BAIAP2: variants seen among roughly 807,000 people sequenced by gnomAD.
BAIAP2 encodes BAR/IMD domain containing adaptor protein 2.
A neutral mutation model predicts 63.0 loss-of-function variants in BAIAP2; 18 were observed. The observed-to-expected ratio is 0.29, with a 90% CI of 0.20 to 0.42. The LOEUF is 0.42. Ranked by LOEUF, BAIAP2 falls within the 10% of genes least tolerant of loss-of-function variation. The pLI is 1.00. For missense variants in BAIAP2, 610 were observed against 734.3 expected, an observed-to-expected ratio of 0.83 and a Z score of 1.96; for synonymous variants, 386 against 307.6, an observed-to-expected ratio of 1.25 and a Z score of -2.67.
intron 10 of BAIAP2, 65 bp downstream of exon 10, chr17:81,104,780 C>T: frequency 6.9e-7 from 1 of 1,443,718 alleles, no homozygotes; most frequent in Non-Finnish European, 9.4e-7. Flanking sequence ...GGGGCAGCGA[C>T]ACTCAAGTGC....
intron 1 of BAIAP2, chr17:81,036,881 C>T (rs1210471909): frequency 3.9e-6 from 6 of 1,535,802 alleles, no homozygotes; most frequent in African/African-American, 2.7e-5. Flanking sequence ...AGAGAAGTAC[C>T]AGCGGAACCT....
chr17:81,110,150 C>T (rs562553389), intron 13 of BAIAP2: 1 of 985,672 alleles, frequency 1.0e-6, no homozygotes, highest in Non-Finnish European at 1.2e-6. Context: ...AGCTGCGGCG[C>T]TCCTTTATCT....
chr17:81,045,707 C>T (rs964458018), intron 1 of BAIAP2, among the ~76,000 whole-genome samples: 4 of 152,170 alleles, frequency 2.6e-5, no homozygotes, highest in African/African-American at 4.8e-5. Flanking sequence ...GCCCAGGGCC[C>T]TGCAGGAGTC....
intron 6 of BAIAP2, among the ~76,000 whole-genome samples, chr17:81,091,550 G>A (rs1277319094): frequency 2.0e-5 from 3 of 152,146 alleles, no homozygotes; most frequent in Non-Finnish European, 4.4e-5. Context: ...TATGCCCTGT[G>A]GGGTCACTGG....
At chr17:81,088,930 G>A (rs1047279307) in intron 6 of BAIAP2, among the ~76,000 whole-genome samples, 3 of 152,248 alleles carry the variant, frequency 2.0e-5, no homozygotes, top group Admixed American at 6.5e-5. Context: ...GGAGCCAGAG[G>A]CCTGAGGCCC....
chr17:81,070,745 G>A lies in BAIAP2; in HGVS notation c.217+12778G>A, dbSNP rs771047048. Among the ~76,000 whole-genome samples, 31 of 152,300 alleles carry A rather than the reference G, an allele frequency of 2.0e-4. No homozygotes were observed. The Middle Eastern group carries it at 0.01, about 50-fold the overall frequency. On this transcript the variant is annotated intron_variant, in intron 3 of 13. Coordinates refer to ENST00000428708, the MANE Select transcript of BAIAP2 (RefSeq NM_001144888.2). Reference sequence around the variant, plus strand: ...CTGCAGCCTCCACTCCAGCCACCCCGGGTGGATGGCCGCTGACCCGGGAGC... The same window carrying A: ...CTGCAGCCTCCACTCCAGCCACCCCAGGTGGATGGCCGCTGACCCGGGAGC...
chr17:81,104,238 A>G (rs1285952574), intron 9 of BAIAP2, 130 bp downstream of exon 9: 7 of 1,044,108 alleles, frequency 6.7e-6, no homozygotes, highest in African/African-American at 3.2e-5. Context: ...GTGTGTACCT[A>G]CATGCATGTG....
chr17:81,069,917 A>C (rs1011015300), intron 3 of BAIAP2, among the ~76,000 whole-genome samples: 19 of 152,082 alleles, frequency 1.2e-4, no homozygotes, highest in African/African-American at 4.6e-4. Flanking sequence ...GTACCCAGGA[A>C]GATTGGAGGG....
intron 7 of BAIAP2, among the ~76,000 whole-genome samples, chr17:81,103,183 G>C (rs567824985): frequency 1.3e-5 from 2 of 152,194 alleles, no homozygotes; most frequent in Non-Finnish European, 2.9e-5. Context: ...GCCCACCGGA[G>C]TTTGACCTTG....
chr17:81,093,833 C>G (rs541728773), intron 6 of BAIAP2, among the ~76,000 whole-genome samples: 1 of 152,162 alleles, frequency 6.6e-6, no homozygotes, highest in East Asian at 1.9e-4. Context: ...ATAGCAGGGC[C>G]GGTGATCGCC....
chr17:81,104,972 C>G (rs907316054), intron 10 of BAIAP2: 1 of 461,738 alleles, frequency 2.2e-6, no homozygotes, highest in Non-Finnish European at 4.0e-6. Flanking sequence ...GATCTCCCCC[C>G]AACAGCAGGG....
chr17:81,108,946 C>T (rs371100797), intron 13 of BAIAP2: 127 of 1,545,104 alleles, frequency 8.2e-5, no homozygotes, highest in Middle Eastern at 4.1e-4. Flanking sequence ...GCCAGGCAGC[C>T]GTCCTGTGCT....
At chr17:81,058,823 C>T (rs542147980) in intron 3 of BAIAP2, among the ~76,000 whole-genome samples, 1 of 152,206 alleles carries the variant, frequency 6.6e-6, no homozygotes, top group African/African-American at 2.4e-5. Flanking sequence ...GGAAGAGTCA[C>T]TGTGACTGGC....
intron 1 of BAIAP2, among the ~76,000 whole-genome samples, chr17:81,045,990 T>TGG (rs977210322): frequency 6.6e-6 from 1 of 152,046 alleles, no homozygotes; most frequent in Admixed American, 6.5e-5. Context: ...TCTCATGGCC[T>TGG]GGGGGGGCTC....
chr17:81,103,272 G>A (rs2058730019), intron 7 of BAIAP2, among the ~76,000 whole-genome samples: 1 of 152,262 alleles, frequency 6.6e-6, no homozygotes, highest in African/African-American at 2.4e-5. Context: ...TCTCATCCCT[G>A]GAGGTCCCCC....
At chr17:81,113,340 A>T (rs2146184488) in intron 13 of BAIAP2, among the ~76,000 whole-genome samples, 1 of 152,288 alleles carries the variant, frequency 6.6e-6, no homozygotes, top group East Asian at 1.9e-4. Context: ...GTCCTGCAGG[A>T]GGTGGGGCCT....
chr17:81,103,091 C>T lies in BAIAP2; in HGVS notation c.643-411C>T, dbSNP rs1159918005. 7.9e-5 allele frequency among the ~76,000 whole-genome samples: 12 copies of T among 152,300 alleles called. No homozygotes were observed. In the South Asian group the frequency reaches 2.1e-3, roughly 26 times the overall value. ...TCTGACGGGGCTGCCTTCCTGCCCT[C>T]GGCAGCCAGGCCTGACCCCCACTGG... On this transcript the variant is annotated intron_variant, in intron 7 of 13. Transcript: ENST00000428708.
rs756105844 is a variant in BAIAP2 at position 81,084,940 on chromosome 17, G to A, written c.279+47G>A. On this transcript the variant is annotated intron_variant, in intron 4 of 13. Transcript: ENST00000428708. ...CCCTGCGAGGAGGGGCAGGTGCGAC[G>A]GGAGAGCTGGCGCCACACCTTGGCC... 1.3e-5 allele frequency: 21 copies of A among 1,585,732 alleles called. 1 individual carries two copies. Among genetic ancestry groups the A allele is most frequent in the Middle Eastern group, 1.7e-4 (1 of 6,024 alleles).
In BAIAP2 at chr17:81,098,215, C is replaced by A. The variant is rs1451448401; in HGVS notation, c.490-1713C>A. 9.0e-6 allele frequency: 12 copies of A among 1,340,074 alleles called. No homozygotes were observed. In the East Asian group the frequency reaches 2.6e-4, roughly 29 times the overall value. The allele number at this position is 1,340,074 out of a possible 1,614,324, so 83.0% of individuals were successfully genotyped here. ...GGTCAGGTGAGTCATACAACAAGCC[C>A]TGCACCCATGGGCAGGCTGGGAGGC... On this transcript the variant is annotated intron_variant, in intron 6 of 13. Transcript: ENST00000428708.
Sources: allele counts gnomAD v4.1 joint callset (sites outside exome capture counted in the v4.1 genomes callset), GRCh38; gene constraint gnomAD v4.1.1; transcripts MANE v1.5; gene names NCBI Gene and HGNC (gene_info 2026-07-23, HGNC 2026-07-21).